Variants in SLC4A4 observed in about 807,000 individuals in gnomAD.
The protein encoded by SLC4A4 is solute carrier family 4 member 4, also known as electrogenic sodium bicarbonate cotransporter 1.
Under a neutral mutation model 111.5 loss-of-function variants are expected in SLC4A4, and 27 were observed. That is an observed-to-expected ratio of 0.24 (90% CI 0.18 to 0.33). The LOEUF is 0.33. SLC4A4 is among the 10% of genes least tolerant of loss of function. The pLI, the probability that SLC4A4 is intolerant of heterozygous loss-of-function variation, is 1.00. For synonymous variants in SLC4A4, 443 were observed against 463.4 expected (o/e 0.96, Z 0.57); for missense variants, 909 against 1,315.5 (o/e 0.69, Z 4.78).
chr4:71,310,215 C>G (rs1014695189), intron 3 of SLC4A4, among the ~76,000 whole-genome samples: 1 of 151,882 alleles, frequency 6.6e-6, no homozygotes, highest in Non-Finnish European at 1.5e-5. Flanking sequence ...TGATTGGGGT[C>G]CCTGAAAGTG....
chr4:71,542,426 C>A (rs1368014764), intron 18 of SLC4A4, among the ~76,000 whole-genome samples: 2 of 152,090 alleles, frequency 1.3e-5, no homozygotes, highest in African/African-American at 4.8e-5. Context: ...TATCACTTGC[C>A]TGCCTAAAAC....
intron 3 of SLC4A4, among the ~76,000 whole-genome samples, chr4:71,276,008 A>C (rs1055465489): frequency 2.6e-5 from 4 of 152,226 alleles, no homozygotes; most frequent in African/African-American, 9.6e-5. Flanking sequence ...TTCATGACTG[A>C]ACTGCAGTTT....
chr4:71,170,376 A>G (rs1167501445), intron 2 of SLC4A4, among the ~76,000 whole-genome samples: 2 of 152,208 alleles, frequency 1.3e-5, no homozygotes, highest in African/African-American at 2.4e-5. Flanking sequence ...ACAGTTTAAA[A>G]CAAGAGGAAA....
At chr4:71,389,190 G>A (rs1719042700) in intron 6 of SLC4A4, among the ~76,000 whole-genome samples, 1 of 152,082 alleles carries the variant, frequency 6.6e-6, no homozygotes, top group African/African-American at 2.4e-5. Flanking sequence ...AATTGATGCA[G>A]GTATCTGTGA....
intron 6 of SLC4A4, among the ~76,000 whole-genome samples, chr4:71,395,032 G>A (rs117455055): frequency 0.025 from 3,804 of 152,132 alleles, 158 homozygotes; most frequent in East Asian, 0.15. Context: ...CAGAACTTAC[G>A]TAGCCAAATA....
At chr4:71,236,436 C>T (rs927417701) in intron 1 of SLC4A4, 140 bp from the exon 2 acceptor site, 1 of 803,188 alleles carries the variant, frequency 1.2e-6, no homozygotes, top group Non-Finnish European at 2.0e-6. Context: ...GAAGCAGTAG[C>T]AGACACCAGA....
At chr4:71,184,796 A>C (rs1160664997), upstream of SLC4A4, among the ~76,000 whole-genome samples, 6 of 152,176 alleles carry the variant, frequency 3.9e-5, no homozygotes, top group Admixed American at 6.5e-5. Context: ...TTATAAGAAA[A>C]ATTAATCAAT....
chr4:71,090,382 C>T (rs541941750), intron 1 of SLC4A4, among the ~76,000 whole-genome samples: 15 of 152,310 alleles, frequency 9.8e-5, no homozygotes, highest in South Asian at 8.3e-4. Flanking sequence ...GGCTCATGCT[C>T]GGTGCACTGC....
chr4:71,405,341 T>C (rs1048803689), intron 7 of SLC4A4, among the ~76,000 whole-genome samples: 5 of 152,152 alleles, frequency 3.3e-5, no homozygotes, highest in Admixed American at 6.6e-5. Flanking sequence ...TGAATACTTA[T>C]ATATTTCTAT....
intron 2 of SLC4A4, among the ~76,000 whole-genome samples, chr4:71,116,741 C>A (rs553391680): frequency 2.6e-5 from 4 of 152,052 alleles, no homozygotes; most frequent in African/African-American, 9.7e-5. Context: ...GTTGCGAGTT[C>A]GAGACCAGCC....
intron 1 of SLC4A4, among the ~76,000 whole-genome samples, chr4:71,089,890 GT>G (rs976784130): frequency 1.7e-4 from 23 of 137,050 alleles, no homozygotes; most frequent in African/African-American, 6.0e-4. Flanking sequence ...ATCTCCAGCT[GT>G]GTGCTGGGAG....
Position 71,453,577 on chromosome 4 carries a change from G to A in SLC4A4, c.1405G>A (p.Ala469Thr), listed in dbSNP as rs200620568. The change falls in exon 12 of 26, where the codon GCT becomes ACT. Residue 469 changes from alanine (A) to threonine (T), a missense_variant. Ala to Thr is a moderately conservative substitution (Grantham distance 58, BLOSUM62 0). Coordinates refer to ENST00000264485, the MANE Select transcript of SLC4A4 (RefSeq NM_001098484.3). ...TTTTTATGATGCTTTAAATATTCAA[G>A]CTCTTTCGGCAATTCTCTTCATTTA... Reference protein sequence around the residue: ...SDFYDALNIQALSAILFIYLA... With the variant: ...SDFYDALNIQTLSAILFIYLA... The A allele has an allele frequency of 6.2e-7, 1 of 1,613,918 alleles. No individual in the cohort carries two copies. The highest frequency in any genetic ancestry group is 2.2e-5 in the East Asian group (1 of 44,870).
intron 2 of SLC4A4, among the ~76,000 whole-genome samples, chr4:71,144,322 C>T (rs554739584): frequency 6.6e-5 from 10 of 152,286 alleles, no homozygotes; most frequent in Admixed American, 2.0e-4. Context: ...GTTTTGGTAC[C>T]AGTACCATTT....
intron 7 of SLC4A4, among the ~76,000 whole-genome samples, chr4:71,405,016 A>G (rs944573592): frequency 6.6e-6 from 1 of 151,564 alleles, no homozygotes. Flanking sequence ...CAGTTTTGCC[A>G]TGTTGCCCAG....
chr4:71,154,491 T>C (rs1280011906), intron 2 of SLC4A4, among the ~76,000 whole-genome samples: 1 of 152,156 alleles, frequency 6.6e-6, no homozygotes, highest in East Asian at 1.9e-4. Flanking sequence ...TTGAATAGGA[T>C]AGATACAAGA....
intron 3 of SLC4A4, among the ~76,000 whole-genome samples, chr4:71,318,564 A>G (rs1372283842): frequency 6.6e-6 from 1 of 152,050 alleles, no homozygotes; most frequent in Admixed American, 6.6e-5. Context: ...AAAGAAAAAA[A>G]CCAATTAGAA....
chr4:71,529,310 C>T (rs1301754051), intron 16 of SLC4A4, among the ~76,000 whole-genome samples: 1 of 152,046 alleles, frequency 6.6e-6, no homozygotes, highest in Non-Finnish European at 1.5e-5. Flanking sequence ...TAAAATACAG[C>T]TGGTATATTT....
intron 1 of SLC4A4, among the ~76,000 whole-genome samples, chr4:71,072,626 A>T (rs564550273): frequency 6.6e-6 from 1 of 151,518 alleles, no homozygotes; most frequent in Admixed American, 6.6e-5. Context: ...AATTATGTTG[A>T]TATTTTTATT....
intron 3 of SLC4A4, among the ~76,000 whole-genome samples, chr4:71,333,025 AT>A (rs1560417359): frequency 6.6e-6 from 1 of 151,972 alleles, no homozygotes; most frequent in African/African-American, 2.4e-5. Context: ...TTGGTACCTT[AT>A]TTGGTTTGTT....
Sources: allele counts gnomAD v4.1 joint callset (sites outside exome capture counted in the v4.1 genomes callset), GRCh38; gene constraint gnomAD v4.1.1; transcripts MANE v1.5; gene names NCBI Gene and HGNC (gene_info 2026-07-23, HGNC 2026-07-21).